FHIT: variants seen among roughly 807,000 people sequenced by gnomAD.
The protein encoded by FHIT is bis(5'-adenosyl)-triphosphatase.
FHIT carries 19 observed loss-of-function variants against 17.9 expected under a neutral mutation model. The ratio of observed to expected loss-of-function variants is 1.06; its 90% CI spans 0.74 to 1.56. The LOEUF is 1.56. Ranked by LOEUF, FHIT falls within the 40% of genes most tolerant of loss-of-function variation. FHIT has a pLI of 0.00. For synonymous variants in FHIT, 81 were observed against 69.7 expected (o/e 1.16, Z -0.81); for missense variants, 248 against 189.2 (o/e 1.31, Z -1.82).
intron 4 of FHIT, among the ~76,000 whole-genome samples, chr3:60,807,676 T>A (rs535410719): frequency 1.3e-5 from 2 of 152,320 alleles, no homozygotes; most frequent in African/African-American, 4.8e-5. Flanking sequence ...TGATCATTGC[T>A]GGCAAAAGCA....
chr3:60,412,910 T>C (rs1283981180), intron 5 of FHIT, among the ~76,000 whole-genome samples: 2 of 152,172 alleles, frequency 1.3e-5, no homozygotes, highest in African/African-American at 2.4e-5. Flanking sequence ...TGTTTGCACA[T>C]GCTTTCTCTC....
chr3:60,492,400 T>C (rs2034104174), intron 5 of FHIT, among the ~76,000 whole-genome samples: 1 of 152,130 alleles, frequency 6.6e-6, no homozygotes, highest in African/African-American at 2.4e-5. Context: ...TTTGGATATA[T>C]AGGAAAAAGG....
chr3:59,923,041 C>T (rs922505470), intron 7 of FHIT, among the ~76,000 whole-genome samples: 1 of 151,690 alleles, frequency 6.6e-6, no homozygotes, highest in Non-Finnish European at 1.5e-5. Flanking sequence ...GGGCGGATCA[C>T]GAGGTCAGGA....
At position 61,162,525 on chromosome 3, in the gene FHIT, G is replaced by A. The variant is rs371922367; in HGVS notation, c.-164+38092C>T. Among the ~76,000 whole-genome samples the A allele has an allele frequency of 4.6e-5, 7 of 152,216 alleles. No individual in the cohort carries two copies. The East Asian group carries it at 1.2e-3, about 25-fold the overall frequency. On this transcript the variant is annotated intron_variant, in intron 2 of 9. Coordinates refer to ENST00000492590, the MANE Select transcript of FHIT (RefSeq NM_002012.4). ...CCATACTTCTTGGGGTAACATCTAT[G>A]CTATCAAGCCCTTAAAACCAAATCC...
chr3:59,985,669 C>A (rs1708864717), intron 7 of FHIT, among the ~76,000 whole-genome samples: 1 of 152,144 alleles, frequency 6.6e-6, no homozygotes, highest in East Asian at 1.9e-4. Context: ...AAGACTTAAA[C>A]AGAAAATTAA....
intron 7 of FHIT, among the ~76,000 whole-genome samples, chr3:60,010,777 T>C (rs1458393384): frequency 6.6e-6 from 1 of 152,136 alleles, no homozygotes; most frequent in Non-Finnish European, 1.5e-5. Context: ...TTTCTTCTCC[T>C]AGCACACTTA....
intron 7 of FHIT, among the ~76,000 whole-genome samples, chr3:59,952,394 C>T (rs1441680781): frequency 1.3e-5 from 2 of 151,940 alleles, no homozygotes; most frequent in African/African-American, 4.8e-5. Flanking sequence ...CAGACATCTC[C>T]CCACTCCCAG....
chr3:61,201,017 T>G (rs1486832238), intron 1 of FHIT, among the ~76,000 whole-genome samples: 1 of 152,204 alleles, frequency 6.6e-6, no homozygotes, highest in Non-Finnish European at 1.5e-5. Flanking sequence ...GCATTTTATT[T>G]TCTTATTTCT....
At chr3:59,765,097 C>A (rs916617760) in intron 8 of FHIT, among the ~76,000 whole-genome samples, 1 of 152,154 alleles carries the variant, frequency 6.6e-6, no homozygotes, top group Non-Finnish European at 1.5e-5. Flanking sequence ...CTGAGAGATA[C>A]ACAAAGCTGA....
chr3:60,187,275 C>T (rs1299967845), intron 5 of FHIT, among the ~76,000 whole-genome samples: 8 of 152,110 alleles, frequency 5.3e-5, no homozygotes, highest in Non-Finnish European at 1.2e-4. Flanking sequence ...ATTAAATTGG[C>T]TTCACAAAAT....
At chr3:61,129,668 A>C (rs1379994217) in intron 2 of FHIT, among the ~76,000 whole-genome samples, 3 of 152,240 alleles carry the variant, frequency 2.0e-5, no homozygotes, top group Non-Finnish European at 4.4e-5. Context: ...GAATTGAATC[A>C]GGAGGTGAAA....
intron 5 of FHIT, among the ~76,000 whole-genome samples, chr3:60,326,990 T>C (rs1559822867): frequency 6.6e-6 from 1 of 152,076 alleles, no homozygotes; most frequent in Non-Finnish European, 1.5e-5. Context: ...AGATAAGAGG[T>C]GGGAAACAGG....
At chr3:60,747,063 G>A (rs1297812320) in intron 4 of FHIT, among the ~76,000 whole-genome samples, 1 of 150,568 alleles carries the variant, frequency 6.6e-6, no homozygotes, top group Non-Finnish European at 1.5e-5. Context: ...TACCTTACTG[G>A]TTTTATCTCC....
intron 8 of FHIT, among the ~76,000 whole-genome samples, chr3:59,830,832 C>T (rs1701139078): frequency 6.6e-6 from 1 of 152,172 alleles, no homozygotes; most frequent in African/African-American, 2.4e-5. Context: ...CAGCAGCCAA[C>T]CTGTCTAATT....
intron 5 of FHIT, among the ~76,000 whole-genome samples, chr3:60,473,196 T>C (rs2033176679): frequency 6.6e-6 from 1 of 152,166 alleles, no homozygotes; most frequent in African/African-American, 2.4e-5. Flanking sequence ...GGTGTTGCTG[T>C]TAAGATATGA....
intron 4 of FHIT, among the ~76,000 whole-genome samples, chr3:60,625,515 T>A (rs1420799898): frequency 1.3e-5 from 2 of 152,072 alleles, no homozygotes; most frequent in Non-Finnish European, 2.9e-5. Context: ...TGACTAGTGA[T>A]GCTGAGTATC....
chr3:59,820,828 G>A (rs1026596679), intron 8 of FHIT, among the ~76,000 whole-genome samples: 1 of 152,156 alleles, frequency 6.6e-6, no homozygotes, highest in East Asian at 1.9e-4. Flanking sequence ...AACAATGTGC[G>A]AGACACAACA....
Position 59,790,532 on chromosome 3 carries a change from G to A in FHIT, c.349-38211C>T, listed in dbSNP as rs376201600. 5.3e-5 allele frequency among the ~76,000 whole-genome samples: 8 copies of A among 150,602 alleles called. 1 individual carries two copies. In the South Asian group the frequency reaches 1.7e-3, roughly 32 times the overall value. On this transcript the variant is annotated intron_variant, in intron 8 of 9. Coordinates refer to ENST00000492590, the MANE Select transcript of FHIT (RefSeq NM_002012.4). ...TCTCTCTCTCTCTCTCTCTCTCTGT[G>A]TGTGTGTGTGTATAAATCATCTGTC...
At chr3:60,117,299 C>T (rs4679636) in intron 5 of FHIT, among the ~76,000 whole-genome samples, 1 of 152,094 alleles carries the variant, frequency 6.6e-6, no homozygotes, top group African/African-American at 2.4e-5. Context: ...GAATAGGTTA[C>T]AGAATGGCAA....
Sources: allele counts gnomAD v4.1 joint callset (sites outside exome capture counted in the v4.1 genomes callset), GRCh38; gene constraint gnomAD v4.1.1; transcripts MANE v1.5; gene names NCBI Gene and HGNC (gene_info 2026-07-23, HGNC 2026-07-21).